NALCN: variants seen among roughly 807,000 people sequenced by gnomAD.
The protein encoded by NALCN is sodium leak channel NALCN.
Under a neutral mutation model 225.3 loss-of-function variants are expected in NALCN, and 111 were observed. The observed-to-expected ratio is 0.49, with a 90% CI of 0.42 to 0.58. NALCN has a LOEUF of 0.58. Ranked by LOEUF, NALCN falls within the 20% of genes least tolerant of loss-of-function variation. The pLI is 0.00. For synonymous variants in NALCN, 764 were observed against 769.0 expected, an observed-to-expected ratio of 0.99 and a Z score of 0.11; for missense variants, 1,378 against 2,202.4, an observed-to-expected ratio of 0.63 and a Z score of 7.49.
chr13:101,068,600 C>A, intron 38 of NALCN, 95 bp downstream of exon 38: 2 of 1,270,984 alleles, frequency 1.6e-6, no homozygotes, highest in Non-Finnish European at 2.1e-6. Context: ...GAAACACCCA[C>A]CCCAAGAAAT....
intron 7 of NALCN, among the ~76,000 whole-genome samples, chr13:101,325,342 C>T (rs1026782578): frequency 6.6e-6 from 1 of 152,156 alleles, no homozygotes; most frequent in Admixed American, 6.5e-5. Flanking sequence ...GAAAGTACCC[C>T]TCCAGTGCTT....
At chr13:101,192,093 A>G (rs1422547179) in intron 13 of NALCN, 39 bp from the exon 14 acceptor site, 2 of 1,563,784 alleles carry the variant, frequency 1.3e-6, no homozygotes, top group East Asian at 4.7e-5. Flanking sequence ...CACTAGCTTT[A>G]GGCTTGCATA....
intron 42 of NALCN, chr13:101,058,429 GT>G: frequency 6.4e-6 from 1 of 156,854 alleles, no homozygotes; most frequent in South Asian, 1.8e-4. Flanking sequence ...GGCGGGGGCA[GT>G]CTACTGTCAC....
chr13:101,225,671 TGA>T (rs1218447580), intron 13 of NALCN, among the ~76,000 whole-genome samples: 1 of 152,210 alleles, frequency 6.6e-6, no homozygotes, highest in Non-Finnish European at 1.5e-5. Flanking sequence ...TGCCTCTCAC[TGA>T]GTGAGGAATG....
intron 7 of NALCN, among the ~76,000 whole-genome samples, chr13:101,307,068 TG>T (rs2044176712): frequency 6.6e-6 from 1 of 152,230 alleles, no homozygotes; most frequent in Non-Finnish European, 1.5e-5. Flanking sequence ...GCATCTTGTT[TG>T]GGGCCATTAT....
intron 19 of NALCN, 62 bp downstream of exon 19, chr13:101,111,063 C>T: frequency 6.6e-7 from 1 of 1,524,806 alleles, no homozygotes; most frequent in Admixed American, 1.7e-5. Context: ...TGTACAGCGA[C>T]CATTTCCTGT....
rs2041820562 is a variant in NALCN at position 101,244,079 on chromosome 13, C to T, written c.1267-6157G>A. On this transcript the variant is annotated intron_variant, in intron 11 of 43. Coordinates refer to ENST00000251127, the MANE Select transcript of NALCN (RefSeq NM_052867.4). ...TGTCATGAAGGTCCCATCCACATGCCTGACCTGGTTGCTGTATTAGCAGAG... is the reference window on the plus strand; with the variant it reads ...TGTCATGAAGGTCCCATCCACATGCTTGACCTGGTTGCTGTATTAGCAGAG... Among the ~76,000 whole-genome samples the T allele has an allele frequency of 1.3e-5, 2 of 151,990 alleles. 1 individual carries two copies. The highest frequency in any genetic ancestry group is 4.2e-4 in the South Asian group (2 of 4,816).
chr13:101,261,883 T>C (rs1185442479), intron 10 of NALCN, among the ~76,000 whole-genome samples: 1 of 152,210 alleles, frequency 6.6e-6, no homozygotes, highest in Non-Finnish European at 1.5e-5. Context: ...AGTACTATGT[T>C]GAATAACAGA....
chr13:101,097,234 A>G (rs1001207682), intron 27 of NALCN, among the ~76,000 whole-genome samples: 1 of 152,254 alleles, frequency 6.6e-6, no homozygotes, highest in African/African-American at 2.4e-5. Context: ...TGCCACAGAC[A>G]AACACAATGA....
chr13:101,148,566 C>T (rs1055064561), intron 15 of NALCN, among the ~76,000 whole-genome samples: 2 of 152,204 alleles, frequency 1.3e-5, no homozygotes, highest in East Asian at 1.9e-4. Flanking sequence ...CTCGTACTGT[C>T]GTTTGACACT....
chr13:101,179,882 C>T (rs1380220232), intron 14 of NALCN, among the ~76,000 whole-genome samples: 2 of 152,176 alleles, frequency 1.3e-5, no homozygotes, highest in Non-Finnish European at 2.9e-5. Context: ...GGAGAATACT[C>T]CCTTGTCTCT....
At chr13:101,221,301 TAG>T (rs1179928329) in intron 13 of NALCN, among the ~76,000 whole-genome samples, 1 of 152,156 alleles carries the variant, frequency 6.6e-6, no homozygotes, top group Admixed American at 6.6e-5. Context: ...GTGTTTTTAG[TAG>T]AGACAGGGTT....
intron 17 of NALCN, among the ~76,000 whole-genome samples, chr13:101,126,423 A>G (rs1231150170): frequency 6.6e-6 from 1 of 152,154 alleles, no homozygotes; most frequent in Admixed American, 6.5e-5. Context: ...GGTAGCACAT[A>G]CATGCTATTT....
Position 101,143,167 on chromosome 13 carries a change from G to A in NALCN, c.2031C>T (p.Leu677=), listed in dbSNP as rs1438751877. 1 of 1,614,070 alleles carries A rather than the reference G, an allele frequency of 6.2e-7. No individual in the cohort carries two copies. The highest frequency in any genetic ancestry group is 2.2e-5 in the East Asian group (1 of 44,878). Residue 677 remains leucine, a synonymous_variant, in exon 17 of 44, where the codon CTC becomes CTT. Transcript: ENST00000251127. The part of the protein sequence containing the change: ...IDRQQQDTCC[L]LRSLPTTSSS... Reference sequence around the variant, plus strand: ...AAGAGGTGGTCGGGAGGCTTCTCAGGAGGCAACATGTGTCCTGTTGCTGGC... The same window carrying A: ...AAGAGGTGGTCGGGAGGCTTCTCAGAAGGCAACATGTGTCCTGTTGCTGGC...
At chr13:101,235,901 T>C (rs1480767899) in intron 12 of NALCN, among the ~76,000 whole-genome samples, 1 of 152,204 alleles carries the variant, frequency 6.6e-6, no homozygotes, top group Non-Finnish European at 1.5e-5. Context: ...GTTCTGAAAA[T>C]AATATTTTGG....
chr13:101,381,928 C>T (rs532780291), intron 3 of NALCN, among the ~76,000 whole-genome samples: 1 of 151,654 alleles, frequency 6.6e-6, no homozygotes. Flanking sequence ...TTTAAAAAGG[C>T]AAAGAATTCC....
At position 101,054,447 on chromosome 13, in the gene NALCN, T is replaced by A. The variant is rs2030955232; in HGVS notation, c.*848A>T. 1 of 147,680 alleles carries A rather than the reference T, an allele frequency of 6.8e-6. No individual in the cohort carries two copies. Among genetic ancestry groups the A allele is most frequent in the Non-Finnish European group, 1.5e-5 (1 of 65,360 alleles). 9.1% of individuals were successfully genotyped at this position (147,680 alleles called of 1,614,324 possible). A position where few individuals can be genotyped will look rare whatever the true frequency, so the allele number is the denominator to read the frequency against. On this transcript the variant is annotated 3_prime_UTR_variant, in exon 44 of 44. Coordinates refer to ENST00000251127, the MANE Select transcript of NALCN (RefSeq NM_052867.4). The stretch of plus-strand genomic sequence containing the variant: ...GTAAGAAATGAAGCCAATGATAACA[T>A]CACACATGCAAAGATTTTTTTAAAT...
intron 7 of NALCN, among the ~76,000 whole-genome samples, chr13:101,343,265 G>C (rs2045613839): frequency 2.0e-5 from 3 of 152,192 alleles, no homozygotes; most frequent in South Asian, 4.1e-4. Flanking sequence ...AAATGTTTTG[G>C]TTATGGTACA....
At chr13:101,071,170 G>A (rs988819510) in intron 37 of NALCN, among the ~76,000 whole-genome samples, 8 of 152,220 alleles carry the variant, frequency 5.3e-5, no homozygotes, top group African/African-American at 1.9e-4. Context: ...TGGGGACACA[G>A]TCAAACCATT....
Sources: allele counts gnomAD v4.1 joint callset (sites outside exome capture counted in the v4.1 genomes callset), GRCh38; gene constraint gnomAD v4.1.1; transcripts MANE v1.5; gene names NCBI Gene and HGNC (gene_info 2026-07-23, HGNC 2026-07-21).